PLEKHM3: variants seen among roughly 807,000 people sequenced by gnomAD.
PLEKHM3 encodes the protein pleckstrin homology domain containing M3.
PLEKHM3 carries 45 observed loss-of-function variants against 81.8 expected under a neutral mutation model. That is an observed-to-expected ratio of 0.55 (90% confidence interval 0.43 to 0.71). The LOEUF is 0.71. Among genes scored for constraint, PLEKHM3 ranks in the 30% least tolerant of loss-of-function variants. PLEKHM3 has a pLI of 0.00. For missense variants in PLEKHM3, 788 were observed against 924.3 expected (o/e 0.85, Z 1.91); for synonymous variants, 352 against 356.4 (o/e 0.99, Z 0.14).
intron 3 of PLEKHM3, among the ~76,000 whole-genome samples, chr2:207,975,482 GGT>G: frequency 6.7e-6 from 1 of 148,574 alleles, no homozygotes; most frequent in East Asian, 2.0e-4. Context: ...CCATTCTCAT[GGT>G]AAATTTAATG....
intron 7 of PLEKHM3, among the ~76,000 whole-genome samples, chr2:207,837,133 A>G (rs2092323794): frequency 6.6e-6 from 1 of 152,152 alleles, no homozygotes; most frequent in African/African-American, 2.4e-5. Flanking sequence ...TTGGTGTTTT[A>G]TTTGTTATTG....
intron 2 of PLEKHM3, among the ~76,000 whole-genome samples, chr2:207,990,096 T>C (rs752293116): frequency 7.9e-5 from 12 of 152,172 alleles, no homozygotes; most frequent in Non-Finnish European, 1.5e-4. Flanking sequence ...GACGTCCCTT[T>C]ACATGGACAC....
intron 3 of PLEKHM3, among the ~76,000 whole-genome samples, chr2:207,972,794 AT>A (rs926400103): frequency 2.0e-5 from 3 of 152,090 alleles, no homozygotes; most frequent in African/African-American, 4.8e-5. Flanking sequence ...ACCATGGTCC[AT>A]TTTTTTCTGC....
intron 4 of PLEKHM3, among the ~76,000 whole-genome samples, chr2:207,934,796 TGTCA>T: frequency 6.6e-6 from 1 of 152,368 alleles, no homozygotes; most frequent in South Asian, 2.1e-4. Context: ...CATTATTAAG[TGTCA>T]TCAGTATAGA....
In PLEKHM3 at chr2:207,976,876, G is replaced by A. The variant is rs536973970; in HGVS notation, c.1321C>T (p.Arg441Ter). 11 of 1,614,156 alleles carry A rather than the reference G, an allele frequency of 6.8e-6. No homozygotes were observed. The highest frequency in any genetic ancestry group is 7.6e-6 in the Non-Finnish European group (9 of 1,180,040). ...QDVLRLRAET[R>*]QRAQEWMEAL... The stretch of plus-strand genomic sequence containing the variant: ...TCCATCCATTCCTGAGCCCTCTGTC[G>A]GGTCTCAGCTCGGAGGCGAAGGACA... The change falls in exon 3 of 8, where the codon CGA (arginine) becomes TGA (stop). Residue 441 changes from arginine to a stop codon, truncating the protein, a stop_gained. Transcript: ENST00000427836. LOFTEE classifies it high-confidence loss of function. The surrounding 1 kb of genome is among the most constrained non-coding windows in gnomAD (Gnocchi z 4.1).
chr2:207,839,896 C>T (rs2105887563), intron 7 of PLEKHM3, among the ~76,000 whole-genome samples: 1 of 152,276 alleles, frequency 6.6e-6, no homozygotes, highest in South Asian at 2.1e-4. Context: ...CACTACATTT[C>T]AGCCTGGGCA....
intron 7 of PLEKHM3, among the ~76,000 whole-genome samples, chr2:207,836,182 A>G (rs2092317958): frequency 6.6e-6 from 1 of 152,142 alleles, no homozygotes; most frequent in Non-Finnish European, 1.5e-5. Flanking sequence ...ATTTCAATAA[A>G]TGCATCATAT....
At chr2:207,901,075 G>A (rs927544870) in intron 6 of PLEKHM3, 16 of 593,904 alleles carry the variant, frequency 2.7e-5, no homozygotes, top group Admixed American at 2.3e-4. Flanking sequence ...GTCTCTACCT[G>A]AGGGGCTCGA....
chr2:207,989,514 C>A (rs1691829453), intron 2 of PLEKHM3, among the ~76,000 whole-genome samples: 2 of 152,204 alleles, frequency 1.3e-5, no homozygotes, highest in Admixed American at 1.3e-4. Flanking sequence ...CCAATTACAG[C>A]CTTTCTTTTC....
chr2:207,926,861 T>C (rs1689411057), intron 5 of PLEKHM3, among the ~76,000 whole-genome samples: 1 of 152,228 alleles, frequency 6.6e-6, no homozygotes. Context: ...ATGACTTCCC[T>C]AATAAGGCGA....
chr2:207,892,134 G>C (rs995952882), intron 6 of PLEKHM3, among the ~76,000 whole-genome samples: 1 of 152,102 alleles, frequency 6.6e-6, no homozygotes, highest in African/African-American at 2.4e-5. Context: ...CACCTAGAAT[G>C]TGTGTCTTGT....
At chr2:207,961,228 A>G (rs1487020286) in intron 3 of PLEKHM3, among the ~76,000 whole-genome samples, 1 of 152,230 alleles carries the variant, frequency 6.6e-6, no homozygotes, top group Non-Finnish European at 1.5e-5. Context: ...CAAGAAAAAC[A>G]TCTTTATTGA....
chr2:207,993,076 G>A (rs891769284), intron 2 of PLEKHM3, among the ~76,000 whole-genome samples: 4 of 152,066 alleles, frequency 2.6e-5, no homozygotes, highest in African/African-American at 7.2e-5. Context: ...AACTTTAGCA[G>A]TTTATAAAAT....
At chr2:207,975,050 G>A (rs1321465747) in intron 3 of PLEKHM3, among the ~76,000 whole-genome samples, 3 of 151,988 alleles carry the variant, frequency 2.0e-5, no homozygotes, top group Admixed American at 6.6e-5. Flanking sequence ...GGCTGGTCTC[G>A]AACTCCTGAC....
intron 3 of PLEKHM3, among the ~76,000 whole-genome samples, chr2:207,954,173 T>C (rs924603022): frequency 7.2e-5 from 11 of 151,914 alleles, no homozygotes; most frequent in African/African-American, 2.7e-4. Flanking sequence ...GGCAATAGAG[T>C]GAGGCCCCAT....
intron 4 of PLEKHM3, among the ~76,000 whole-genome samples, chr2:207,936,048 T>G (rs978701347): frequency 1.3e-5 from 2 of 152,240 alleles, no homozygotes; most frequent in Non-Finnish European, 2.9e-5. Context: ...AGTGGCATGA[T>G]CATAGTTCAC....
intron 6 of PLEKHM3, among the ~76,000 whole-genome samples, chr2:207,894,774 C>T (rs77180772): frequency 0.019 from 2,849 of 152,226 alleles, 87 homozygotes; most frequent in African/African-American, 0.065. Flanking sequence ...ACGTTTGAAA[C>T]ATTTCACACA....
At chr2:207,998,974 C>A (rs1291613716) in intron 2 of PLEKHM3, among the ~76,000 whole-genome samples, 3 of 151,996 alleles carry the variant, frequency 2.0e-5, no homozygotes, top group Non-Finnish European at 4.4e-5. Flanking sequence ...CTTACAGCAA[C>A]TTGTATGTCC....
intron 3 of PLEKHM3, among the ~76,000 whole-genome samples, chr2:207,967,187 G>C (rs1319298735): frequency 6.6e-6 from 1 of 151,954 alleles, no homozygotes; most frequent in Non-Finnish European, 1.5e-5. Context: ...TGGAGACAGG[G>C]TCTTGCTATG....
Sources: gnomAD v4.1 joint callset for allele counts (sites outside exome capture counted in the v4.1 genomes callset) on GRCh38, gnomAD v4.1.1 for gene constraint, Gnocchi (gnomAD v3.1) non-coding constraint, MANE v1.5 for transcripts, NCBI Gene and HGNC (gene_info 2026-07-23, HGNC 2026-07-21) for gene names.